The following VGLL3 variants were observed in gnomAD, a reference collection of about 807,000 sequenced individuals.
The protein encoded by VGLL3 is transcription cofactor vestigial-like protein 3.
Under a neutral mutation model 29.2 loss-of-function variants are expected in VGLL3, and 18 were observed. The ratio of observed to expected loss-of-function variants is 0.62; its 90% CI spans 0.43 to 0.91. VGLL3 has a LOEUF of 0.91. Among genes scored for constraint, VGLL3 ranks in the 40% least tolerant of loss-of-function variants. The pLI is 0.00. For synonymous variants in VGLL3, 180 were observed against 151.8 expected, an observed-to-expected ratio of 1.19 and a Z score of -1.36; for missense variants, 440 against 413.2, an observed-to-expected ratio of 1.06 and a Z score of -0.56.
intron 3 of VGLL3, among the ~76,000 whole-genome samples, chr3:86,955,681 G>A (rs1187069088): frequency 1.3e-5 from 2 of 152,086 alleles, no homozygotes; most frequent in South Asian, 2.1e-4. Flanking sequence ...GTGAACCACC[G>A]TGCCTGGCCT....
At chr3:86,985,965 A>T (rs1705432128) in intron 1 of VGLL3, among the ~76,000 whole-genome samples, 1 of 152,122 alleles carries the variant, frequency 6.6e-6, no homozygotes, top group African/African-American at 2.4e-5. Context: ...CATCATAAGC[A>T]TAATAGTTTT....
rs567052599 is a variant in VGLL3 at position 86,972,017 on chromosome 3, T to G, written c.404-2894A>C. ...GAATTCCCCTTATTAAAATCCACCA[T>G]TAAGATGTCAAAAGTACGGAGAGTA... On this transcript the variant is annotated intron_variant, in intron 2 of 3. Transcript: ENST00000398399. Among the ~76,000 whole-genome samples the G allele has an allele frequency of 1.3e-4, 20 of 152,284 alleles. 1 individual carries two copies. In the South Asian group the frequency reaches 3.9e-3, roughly 30 times the overall value.
intron 3 of VGLL3, among the ~76,000 whole-genome samples, chr3:86,955,960 C>A (rs1704713857): frequency 1.3e-5 from 2 of 152,108 alleles, no homozygotes; most frequent in African/African-American, 2.4e-5. Context: ...GTCCTTTTTG[C>A]CAAGAAATTC....
At chr3:86,971,624 T>G (rs949547040) in intron 2 of VGLL3, among the ~76,000 whole-genome samples, 2 of 152,228 alleles carry the variant, frequency 1.3e-5, no homozygotes, top group African/African-American at 4.8e-5. Context: ...GGTAACTATG[T>G]TTTCTTGAAT....
chr3:86,946,486 A>C lies in VGLL3; in HGVS notation c.*538T>G, dbSNP rs1476490980. 1 of 152,312 alleles carries C rather than the reference A, an allele frequency of 6.6e-6. No homozygotes were observed. The highest frequency in any genetic ancestry group is 2.4e-5 in the African/African-American group (1 of 41,454). The allele number at this position is 152,312 out of a possible 1,614,324, so 9.4% of individuals were successfully genotyped here. Reference sequence around the variant, plus strand: ...GCATATAATAGACATCTTAGAGATAAGCATTTTAAACATTTTTGCCAGTGC... The same window carrying C: ...GCATATAATAGACATCTTAGAGATACGCATTTTAAACATTTTTGCCAGTGC... On this transcript the variant is annotated 3_prime_UTR_variant, in exon 4 of 4. Transcript: ENST00000398399.
chr3:86,991,097 G>A lies in VGLL3; in HGVS notation c.-354C>T. 1 of 270,184 alleles carries A rather than the reference G, an allele frequency of 3.7e-6. No individual in the cohort carries two copies. The allele number at this position is 270,184 out of a possible 1,614,324, so 16.7% of individuals were successfully genotyped here. A position where few individuals can be genotyped will look rare whatever the true frequency, so the allele number is the denominator to read the frequency against. The stretch of plus-strand genomic sequence containing the variant: ...CACGGCAGCGCCAGTCACAGCCACA[G>A]CCCAGGCCCGGGTCGGGCAGCCGTG... On this transcript the variant is annotated 5_prime_UTR_variant, in exon 1 of 4. Transcript: ENST00000398399.
At chr3:86,949,337 G>C (rs1054742309) in intron 3 of VGLL3, among the ~76,000 whole-genome samples, 1 of 152,014 alleles carries the variant, frequency 6.6e-6, no homozygotes, top group Non-Finnish European at 1.5e-5. Flanking sequence ...ATCTTAAAAA[G>C]TCAATTCCTC....
chr3:86,990,172 G>A (rs957401570), intron 1 of VGLL3: 5 of 290,876 alleles, frequency 1.7e-5, no homozygotes, highest in Non-Finnish European at 2.6e-5. Context: ...AGATCATTTC[G>A]TGAACTCACT....
At chr3:86,977,654 T>G (rs1408970820) in intron 2 of VGLL3, among the ~76,000 whole-genome samples, 1 of 152,208 alleles carries the variant, frequency 6.6e-6, no homozygotes, top group Non-Finnish European at 1.5e-5. Context: ...ATTCTGCAGG[T>G]CTGGGGTGGA....
At chr3:86,984,828 A>T (rs1705402794) in intron 1 of VGLL3, among the ~76,000 whole-genome samples, 1 of 152,216 alleles carries the variant, frequency 6.6e-6, no homozygotes, top group Non-Finnish European at 1.5e-5. Context: ...AATAATAAAT[A>T]AAGAGAGCCT....
chr3:86,956,643 G>A (rs1259018047), intron 3 of VGLL3, among the ~76,000 whole-genome samples: 2 of 151,842 alleles, frequency 1.3e-5, no homozygotes, highest in East Asian at 1.9e-4. Context: ...AAAATTAGCC[G>A]GGCATGTTGG....
chr3:86,955,764 T>C (rs927578356), intron 3 of VGLL3, among the ~76,000 whole-genome samples: 2 of 152,104 alleles, frequency 1.3e-5, no homozygotes, highest in African/African-American at 4.8e-5. Flanking sequence ...CCAATTCAAG[T>C]AAACATAAAT....
chr3:86,989,129 T>A (rs923633060), intron 1 of VGLL3, among the ~76,000 whole-genome samples: 12 of 152,222 alleles, frequency 7.9e-5, no homozygotes, highest in Non-Finnish European at 1.5e-4. Context: ...ATTCATTAAT[T>A]TCACAACCCT....
rs1281107772 is a variant in VGLL3, at chr3:86,968,661, G to C, written c.866C>G (p.Ser289Cys). ...GGCTCCAGCCCATGCTGAGGTAGCAGAGGTGACTGTAGTTGGTTCTGTCTT... is the reference window on the plus strand; with the variant it reads ...GGCTCCAGCCCATGCTGAGGTAGCACAGGTGACTGTAGTTGGTTCTGTCTT... ...ITKTEPTTVTSATSAWAGAFH... is the reference protein window; with the variant it reads ...ITKTEPTTVTCATSAWAGAFH... Residue 289 changes from serine to cysteine, a missense_variant, in exon 3 of 4, where the codon TCT becomes TGT. Physicochemically the swap from Ser to Cys is moderately radical, Grantham distance 112. Coordinates refer to ENST00000398399, the MANE Select transcript of VGLL3 (RefSeq NM_016206.4). 1 of 1,614,110 alleles carries C rather than the reference G, an allele frequency of 6.2e-7. No individual in the cohort carries two copies.
rs1395644425 is a variant in VGLL3, at chr3:86,968,847, A to T, written c.680T>A (p.Met227Lys). The stretch of plus-strand genomic sequence containing the variant: ...GTGGGCATGAGGGTGGTGGTGCCGC[A>T]TGTACACGTCATGCATATGGCTGTA... ...PSYSHMHDVY[M>K]RHHHPHAHMH... The change falls in exon 3 of 4, where the codon ATG (methionine) becomes AAG (lysine). Residue 227 changes from methionine to lysine, a missense_variant. Transcript: ENST00000398399. 7 of 1,614,032 alleles carry T rather than the reference A, an allele frequency of 4.3e-6. No homozygotes were observed. The highest frequency in any genetic ancestry group is 5.1e-6 in the Non-Finnish European group (6 of 1,180,036).
chr3:86,990,267 A>G, intron 1 of VGLL3: 1 of 974,604 alleles, frequency 1.0e-6, no homozygotes, highest in Non-Finnish European at 1.2e-6. Flanking sequence ...TTCCAAATAA[A>G]CAAAATAGTT....
intron 3 of VGLL3, chr3:86,961,833 T>C (rs556946541): frequency 1.4e-6 from 1 of 703,712 alleles, no homozygotes; most frequent in African/African-American, 1.9e-5. Flanking sequence ...CAAAGCTAAA[T>C]GAGAAGTTAA....
rs553776157 is a variant in VGLL3 at position 86,979,705 on chromosome 3, C to T, written c.127-903G>A. Among the ~76,000 whole-genome samples the T allele has an allele frequency of 1.3e-4, 20 of 151,906 alleles. No individual in the cohort carries two copies. The South Asian group carries it at 3.7e-3, about 28-fold the overall frequency. On this transcript the variant is annotated intron_variant, in intron 1 of 3. Transcript: ENST00000398399. ...AGCACAGAAAAATTAAGTTACTTGC[C>T]AAAAGTCACAAATCATGTAAGCTGC...
intron 3 of VGLL3, among the ~76,000 whole-genome samples, chr3:86,959,717 G>T (rs965469983): frequency 7.2e-5 from 11 of 151,856 alleles, no homozygotes; most frequent in Admixed American, 5.2e-4. Context: ...GATGTTACTG[G>T]GTATAAAGCT....
Sources: gnomAD v4.1 joint callset for allele counts (sites outside exome capture counted in the v4.1 genomes callset) on GRCh38, gnomAD v4.1.1 for gene constraint, MANE v1.5 for transcripts, NCBI Gene and HGNC (gene_info 2026-07-23, HGNC 2026-07-21) for gene names.